BICRA: variants seen among roughly 807,000 people sequenced by gnomAD.
BICRA encodes BRD4 interacting chromatin remodeling complex associated protein.
In BICRA, 31 loss-of-function variants were observed where a neutral mutation model predicts 96.9. The observed-to-expected ratio is 0.32, with a 90% CI of 0.24 to 0.43. The LOEUF (loss-of-function observed/expected upper bound fraction) is 0.43, where lower values mean the gene tolerates loss of function less well. Among genes scored for constraint, BICRA ranks in the 20% least tolerant of loss-of-function variants. The pLI is 1.00. For missense variants in BICRA, 2,283 were observed against 2,190.3 expected (o/e 1.04, Z -0.84); for synonymous variants, 1,350 against 1,071.8 (o/e 1.26, Z -5.07).
intron 7 of BICRA, among the ~76,000 whole-genome samples, chr19:47,692,525 C>T (rs1056061753): frequency 3.3e-5 from 5 of 152,142 alleles, no homozygotes; most frequent in African/African-American, 1.2e-4. Context: ...CCACCGTGCC[C>T]GGCCGAATAT....
At chr19:47,681,790 A>G (rs1284765963) in intron 6 of BICRA, among the ~76,000 whole-genome samples, 186 bp from the exon 7 acceptor site, 8 of 152,076 alleles carry the variant, frequency 5.3e-5, no homozygotes, top group Admixed American at 5.2e-4. Flanking sequence ...AGAGGGGCCA[A>G]TGGGAGCTCA....
chr19:47,648,661 C>T (rs1277215105), intron 1 of BICRA, among the ~76,000 whole-genome samples: 3 of 148,960 alleles, frequency 2.0e-5, no homozygotes, highest in Non-Finnish European at 3.0e-5. Flanking sequence ...CACCTGAGGT[C>T]AGGAGTTTTT....
rs554502726 is a variant in BICRA at position 47,693,085 on chromosome 19, C to T, written c.2284-1030C>T. Among the ~76,000 whole-genome samples, 8 of 152,298 alleles carry T rather than the reference C, an allele frequency of 5.3e-5. No homozygotes were observed. In the East Asian group the frequency reaches 5.8e-4, roughly 11 times the overall value. On this transcript the variant is annotated intron_variant, in intron 7 of 14. Transcript: ENST00000594866. ...GATCACACAAATGGATGCGGGAGGC[C>T]GGCCATTCGTGTTAGATCAGCATGA...
chr19:47,644,230 T>G (rs1235967781), intron 1 of BICRA, among the ~76,000 whole-genome samples: 1 of 151,758 alleles, frequency 6.6e-6, no homozygotes, highest in African/African-American at 2.4e-5. Flanking sequence ...GGTGCCCAGG[T>G]TGGTCTCAAA....
At position 47,701,273 on chromosome 19, in the gene BICRA, C is replaced by G; in HGVS notation, c.3596-55C>G. 7.7e-7 allele frequency: 1 copy of G among 1,294,090 alleles called. No homozygotes were observed. Among genetic ancestry groups the G allele is most frequent in the Non-Finnish European group, 1.1e-6 (1 of 909,032 alleles). The allele number at this position is 1,294,090 out of a possible 1,614,324, so 80.2% of individuals were successfully genotyped here. ...TCACTGCACACAGCTCCTCCCAGCT[C>G]GGTCGGGGGGTCCTCATCCTAACCC... On this transcript the variant is annotated intron_variant, in intron 14 of 14. Transcript: ENST00000594866. This position sits in a 1 kb window ranked among gnomAD's most constrained non-coding sequence, Gnocchi z 5.4.
At chr19:47,656,022 C>T (rs1367437734) in intron 1 of BICRA, among the ~76,000 whole-genome samples, 2 of 150,592 alleles carry the variant, frequency 1.3e-5, no homozygotes, top group Admixed American at 1.3e-4. Flanking sequence ...ATCGCTTGAA[C>T]CCAGGAGGTC....
rs890937087 is a variant in BICRA, at chr19:47,702,460, C to T, written c.*45C>T. On this transcript the variant is annotated 3_prime_UTR_variant, in exon 15 of 15. Transcript: ENST00000594866. ...CCCCGTCCCCTCCTCCCGAAGACGC[C>T]GGGACAGTCGGGTGTCCGCCCTCAG... 5.6e-6 allele frequency: 8 copies of T among 1,425,172 alleles called. No homozygotes were observed. Among genetic ancestry groups the T allele is most frequent in the Non-Finnish European group, 7.3e-6 (8 of 1,100,778 alleles). The allele number at this position is 1,425,172 out of a possible 1,614,324, so 88.3% of individuals were successfully genotyped here. A position where few individuals can be genotyped will look rare whatever the true frequency, so the allele number is the denominator to read the frequency against.
chr19:47,655,615 G>T (rs1456765295), intron 1 of BICRA, among the ~76,000 whole-genome samples: 2 of 151,462 alleles, frequency 1.3e-5, no homozygotes, highest in Non-Finnish European at 1.5e-5. Flanking sequence ...CACTTTGGGA[G>T]GCTGAGGCGG....
chr19:47,697,468 G>T (rs1239829774), intron 11 of BICRA, among the ~76,000 whole-genome samples: 2 of 150,946 alleles, frequency 1.3e-5, no homozygotes, highest in Non-Finnish European at 3.0e-5. Context: ...AGGCTGGTTG[G>T]TTTTGTTTTT....
intron 1 of BICRA, among the ~76,000 whole-genome samples, chr19:47,650,224 C>G (rs1489882120): frequency 2.0e-5 from 3 of 152,080 alleles, no homozygotes; most frequent in African/African-American, 7.2e-5. Flanking sequence ...CCTCCACCAC[C>G]CAGGGTCAAG....
At chr19:47,664,742 C>T (rs1599832952) in intron 1 of BICRA, among the ~76,000 whole-genome samples, 1 of 152,178 alleles carries the variant, frequency 6.6e-6, no homozygotes, top group Non-Finnish European at 1.5e-5. Context: ...GCTGGCTTCT[C>T]GCTCGTGTGT....
At chr19:47,673,654 A>T (rs765931821) in intron 3 of BICRA, 39 bp downstream of exon 3, 12 of 1,526,786 alleles carry the variant, frequency 7.9e-6, no homozygotes, top group Non-Finnish European at 1.1e-5. Context: ...CTCTGTCTCA[A>T]CCCCCTCCCT....
At chr19:47,627,137 A>G (rs1474034965) in intron 1 of BICRA, among the ~76,000 whole-genome samples, 1 of 152,134 alleles carries the variant, frequency 6.6e-6, no homozygotes, top group Non-Finnish European at 1.5e-5. Context: ...CTGCTGAGCC[A>G]TTGCAGGCTG....
intron 10 of BICRA, 88 bp from the exon 11 acceptor site, chr19:47,696,363 C>T (rs1973342358): frequency 8.0e-6 from 10 of 1,253,918 alleles, no homozygotes; most frequent in East Asian, 5.1e-5. Flanking sequence ...TCCCCTGTCC[C>T]GTCTTTATCC....
At position 47,702,562 on chromosome 19, in the gene BICRA, C is replaced by T; in HGVS notation, c.*147C>T. The T allele has an allele frequency of 2.2e-6, 2 of 916,780 alleles. No homozygotes were observed. The highest frequency in any genetic ancestry group is 4.2e-5 in the South Asian group (2 of 47,796). The allele number at this position is 916,780 out of a possible 1,614,324, so 56.8% of individuals were successfully genotyped here. On this transcript the variant is annotated 3_prime_UTR_variant, in exon 15 of 15. Coordinates refer to ENST00000594866, the MANE Select transcript of BICRA (RefSeq NM_001394372.1). ...TATTTGAGTCACAAAGGCCTCCTTCCCTGCCGCCTGCTTCAGCTGGGTTGC... is the reference window on the plus strand; with the variant it reads ...TATTTGAGTCACAAAGGCCTCCTTCTCTGCCGCCTGCTTCAGCTGGGTTGC...
intron 1 of BICRA, among the ~76,000 whole-genome samples, chr19:47,642,757 A>G (rs1972402398): frequency 6.6e-6 from 1 of 152,198 alleles, no homozygotes; most frequent in African/African-American, 2.4e-5. Context: ...ATATTTTTCA[A>G]AGCAGTTGTT....
chr19:47,669,898 C>A (rs184642041), intron 1 of BICRA, among the ~76,000 whole-genome samples: 1 of 151,746 alleles, frequency 6.6e-6, no homozygotes, highest in African/African-American at 2.4e-5. Flanking sequence ...CCTCGCGATC[C>A]ACCTGTCTCG....
At chr19:47,687,821 C>CA (rs5828311) in intron 7 of BICRA, among the ~76,000 whole-genome samples, 33,739 of 123,512 alleles carry the variant, frequency 0.27, 4,546 homozygotes, top group South Asian at 0.32. Flanking sequence ...GACTCTGCCT[C>CA]AAAAAAAAAA....
intron 1 of BICRA, among the ~76,000 whole-genome samples, chr19:47,664,436 T>C (rs1289034127): frequency 6.6e-6 from 1 of 152,156 alleles, no homozygotes; most frequent in Non-Finnish European, 1.5e-5. Flanking sequence ...CTTTTTATAG[T>C]GTGGTGGTGA....
Sources: allele counts gnomAD v4.1 joint callset (sites outside exome capture counted in the v4.1 genomes callset), GRCh38; gene constraint gnomAD v4.1.1; non-coding constraint Gnocchi (gnomAD v3.1); transcripts MANE v1.5; gene names NCBI Gene and HGNC (gene_info 2026-07-23, HGNC 2026-07-21).